PCDH7: variants seen among roughly 807,000 people sequenced by gnomAD.
PCDH7 encodes protocadherin-7.
In PCDH7, 17 loss-of-function variants were observed where a neutral mutation model predicts 58.9. The observed-to-expected ratio is 0.29, with a 90% confidence interval of 0.20 to 0.43. The LOEUF is 0.43. Ranked by LOEUF, PCDH7 falls within the 20% of genes least tolerant of loss-of-function variation. The pLI is 1.00. For synonymous variants in PCDH7, 664 were observed against 616.4 expected, an observed-to-expected ratio of 1.08 and a Z score of -1.14; for missense variants, 1,274 against 1,441.0, an observed-to-expected ratio of 0.88 and a Z score of 1.88.
intron 1 of PCDH7, among the ~76,000 whole-genome samples, chr4:30,865,811 C>T (rs1023230000): frequency 1.3e-5 from 2 of 152,138 alleles, no homozygotes; most frequent in South Asian, 2.1e-4. Context: ...AGCTGGCATA[C>T]TTATAGAGTA....
chr4:31,012,728 A>G (rs1462348137), intron 3 of PCDH7, among the ~76,000 whole-genome samples: 1 of 150,640 alleles, frequency 6.6e-6, no homozygotes, highest in Non-Finnish European at 1.5e-5. Context: ...TTGAAAGCAG[A>G]TGTCCAGGCT....
intron 3 of PCDH7, among the ~76,000 whole-genome samples, chr4:31,082,285 T>C (rs778557329): frequency 3.3e-5 from 5 of 152,178 alleles, no homozygotes; most frequent in Admixed American, 6.6e-5. Flanking sequence ...TCAAAATTCA[T>C]TGGGATACAA....
chr4:30,898,256 C>T (rs1283367805), intron 1 of PCDH7, among the ~76,000 whole-genome samples: 3 of 152,002 alleles, frequency 2.0e-5, no homozygotes, highest in Non-Finnish European at 4.4e-5. Flanking sequence ...CGGTATAAAA[C>T]CTGAAGGAAT....
At chr4:31,095,670 A>T (rs1713868882) in intron 3 of PCDH7, among the ~76,000 whole-genome samples, 1 of 152,144 alleles carries the variant, frequency 6.6e-6, no homozygotes, top group African/African-American at 2.4e-5. Flanking sequence ...GACTGGATGG[A>T]TGAGGCTTGG....
At chr4:30,956,061 A>C (rs931009878) in intron 3 of PCDH7, among the ~76,000 whole-genome samples, 4 of 151,598 alleles carry the variant, frequency 2.6e-5, no homozygotes, top group Admixed American at 6.6e-5. Flanking sequence ...CAAAAAAAAA[A>C]CAATTAGCCA....
At chr4:31,137,300 A>G (rs1237362618) in intron 3 of PCDH7, among the ~76,000 whole-genome samples, 1 of 152,242 alleles carries the variant, frequency 6.6e-6, no homozygotes, top group Non-Finnish European at 1.5e-5. Flanking sequence ...AAGAAATACC[A>G]GGCCGGGAGC....
At chr4:30,964,367 G>A (rs957763977) in intron 3 of PCDH7, among the ~76,000 whole-genome samples, 2 of 151,238 alleles carry the variant, frequency 1.3e-5, no homozygotes, top group African/African-American at 2.4e-5. Flanking sequence ...TCAGCCTCCC[G>A]AGTAGCTGGG....
intron 1 of PCDH7, among the ~76,000 whole-genome samples, chr4:30,747,364 G>A (rs893728852): frequency 6.6e-5 from 10 of 151,730 alleles, no homozygotes; most frequent in South Asian, 6.4e-4. Flanking sequence ...TGCAGTGTCC[G>A]AAAACAACAA....
intron 1 of PCDH7, among the ~76,000 whole-genome samples, chr4:30,838,847 G>A (rs989249645): frequency 1.3e-5 from 2 of 152,008 alleles, no homozygotes; most frequent in Admixed American, 6.6e-5. Flanking sequence ...AGGGGCCAAC[G>A]TTTCTTAGAA....
intron 1 of PCDH7, among the ~76,000 whole-genome samples, chr4:30,806,066 A>G (rs980677244): frequency 2.0e-5 from 3 of 152,204 alleles, no homozygotes; most frequent in Non-Finnish European, 4.4e-5. Flanking sequence ...TTGGTGCTCA[A>G]AGGTTTTAGA....
At chr4:31,079,881 G>A (rs991882644) in intron 3 of PCDH7, among the ~76,000 whole-genome samples, 2 of 152,006 alleles carry the variant, frequency 1.3e-5, no homozygotes, top group Non-Finnish European at 2.9e-5. Flanking sequence ...AGGATCATAT[G>A]GAACCCAGTG....
intron 3 of PCDH7, among the ~76,000 whole-genome samples, chr4:30,964,168 T>C (rs1000017263): frequency 6.6e-6 from 1 of 152,106 alleles, no homozygotes; most frequent in African/African-American, 2.4e-5. Context: ...TTCATAGCTT[T>C]AGTTTGCTAT....
At chr4:31,094,907 C>T (rs530395453) in intron 3 of PCDH7, among the ~76,000 whole-genome samples, 91 of 152,146 alleles carry the variant, frequency 6.0e-4, no homozygotes, top group Admixed American at 1.8e-3. Flanking sequence ...ACCAATTTAC[C>T]GTATAATTCT....
intron 1 of PCDH7, among the ~76,000 whole-genome samples, chr4:30,857,523 A>G (rs1419428927): frequency 1.3e-5 from 2 of 152,254 alleles, no homozygotes; most frequent in Non-Finnish European, 2.9e-5. Flanking sequence ...TTGTGTAAGT[A>G]AAGCTCGTCT....
At chr4:31,119,805 G>A (rs1717434390) in intron 3 of PCDH7, among the ~76,000 whole-genome samples, 1 of 152,080 alleles carries the variant, frequency 6.6e-6, no homozygotes, top group African/African-American at 2.4e-5. Context: ...AAGAACCTGA[G>A]GCATTCTTCC....
intron 1 of PCDH7, among the ~76,000 whole-genome samples, chr4:30,756,412 A>T (rs144647445): frequency 6.6e-6 from 1 of 152,280 alleles, no homozygotes; most frequent in East Asian, 1.9e-4. Context: ...CACCCGGAAG[A>T]TGAGGAAACT....
intron 3 of PCDH7, among the ~76,000 whole-genome samples, chr4:31,039,599 G>A (rs1755682990): frequency 6.6e-6 from 1 of 152,072 alleles, no homozygotes; most frequent in Non-Finnish European, 1.5e-5. Flanking sequence ...TCTCTACAGT[G>A]CCCAGTCATA....
rs367632204 is a variant in PCDH7, at chr4:30,924,160, C to G, written c.287+3791C>G. ...ACCTTCATGCCATGACCTACTTGAT[C>G]TTTCCAAAGCCCCCTCTAAATTATC... On this transcript the variant is annotated intron_variant, in intron 2 of 3. Coordinates refer to the PCDH7 transcript ENST00000509759. 2.4e-4 allele frequency among the ~76,000 whole-genome samples: 36 copies of G among 152,256 alleles called. No homozygotes were observed. The South Asian group carries it at 7.5e-3, about 32-fold the overall frequency.
At chr4:31,059,533 C>T (rs1757519632) in intron 3 of PCDH7, among the ~76,000 whole-genome samples, 2 of 151,754 alleles carry the variant, frequency 1.3e-5, no homozygotes. Flanking sequence ...CTCCATGTCA[C>T]TTCAGTGTTG....
Sources: gnomAD v4.1 joint callset for allele counts (sites outside exome capture counted in the v4.1 genomes callset) on GRCh38, gnomAD v4.1.1 for gene constraint, MANE v1.5 for transcripts, NCBI Gene and HGNC (gene_info 2026-07-23, HGNC 2026-07-21) for gene names.